Variants in ADAM19 observed in about 807,000 individuals in gnomAD.
ADAM19 encodes ADAM metallopeptidase domain 19, also known as disintegrin and metalloproteinase domain-containing protein 19.
In ADAM19, 65 loss-of-function variants were observed where a neutral mutation model predicts 114.7. The observed-to-expected ratio is 0.57, with a 90% confidence interval of 0.46 to 0.70. ADAM19 has a LOEUF of 0.70. ADAM19 is among the 30% of genes least tolerant of loss of function. The pLI is 0.00. For missense variants in ADAM19, 1,063 were observed against 1,204.7 expected, an observed-to-expected ratio of 0.88 and a Z score of 1.74; for synonymous variants, 466 against 460.5, an observed-to-expected ratio of 1.01 and a Z score of -0.15.
chr5:157,503,778 T>C (rs1338561944), intron 11 of ADAM19, among the ~76,000 whole-genome samples: 2 of 152,206 alleles, frequency 1.3e-5, no homozygotes, highest in Non-Finnish European at 2.9e-5. Context: ...GCCAAGATCA[T>C]AAGTTTTATT....
rs776999114 is a variant in ADAM19, at chr5:157,496,986, A to G, written c.1502T>C (p.Met501Thr). ...SPHCPTNFYQMDGTPCEGGQA... is the reference protein window; with the variant it reads ...SPHCPTNFYQTDGTPCEGGQA... ...GCCGCCCTCACAGGGGGTACCATCC[A>G]TCTGGTAGAAGTTGGTAGGGCAGTG... The change falls in exon 14 of 23, where the codon ATG (methionine) becomes ACG (threonine). Residue 501 changes from methionine (M) to threonine (T), a missense_variant. Coordinates refer to ENST00000257527, the MANE Select transcript of ADAM19 (RefSeq NM_033274.5). 2 of 1,598,400 alleles carry G rather than the reference A, an allele frequency of 1.3e-6. No homozygotes were observed. The highest frequency in any genetic ancestry group is 2.3e-5 in the South Asian group (2 of 88,678).
At chr5:157,515,529 C>A (rs1035879407) in intron 7 of ADAM19, among the ~76,000 whole-genome samples, 3 of 152,172 alleles carry the variant, frequency 2.0e-5, no homozygotes, top group Non-Finnish European at 4.4e-5. Flanking sequence ...ATAATACAGA[C>A]ACCTGTATAT....
chr5:157,557,270 G>A lies in ADAM19; in HGVS notation c.251+7103C>T, dbSNP rs115582613. Among the ~76,000 whole-genome samples the A allele has an allele frequency of 5.0e-3, 758 of 152,324 alleles. 7 individuals are homozygous for A. Among genetic ancestry groups the A allele is most frequent in the African/African-American group, 0.018 (729 of 41,570 alleles). On this transcript the variant is annotated intron_variant, in intron 3 of 22. Coordinates refer to ENST00000257527, the MANE Select transcript of ADAM19 (RefSeq NM_033274.5). ...CTTAGAAGGCAAGTGACTTACCAAAGACCACCCAACCGGAAGTGTCAGTAT... is the reference window on the plus strand; with the variant it reads ...CTTAGAAGGCAAGTGACTTACCAAAAACCACCCAACCGGAAGTGTCAGTAT...
chr5:157,519,001 T>C (rs757289493), intron 6 of ADAM19, 113 bp from the exon 7 acceptor site: 3 of 878,282 alleles, frequency 3.4e-6, no homozygotes, highest in Admixed American at 3.9e-5. Flanking sequence ...CGTAATGATT[T>C]TGTCATTCGG....
Position 157,570,928 on chromosome 5 carries a change from C to T in ADAM19, c.147G>A (p.Gln49=). 6.2e-7 allele frequency: 1 copy of T among 1,614,182 alleles called. No individual in the cohort carries two copies. The highest frequency in any genetic ancestry group is 8.5e-7 in the Non-Finnish European group (1 of 1,180,024). ...PKLQHELIIP[Q]WKTSESPVRE... is the part of the protein sequence containing the mutation. ...TCACGGGGCTTTCTGAAGTCTTCCA[C>T]TGAGGTATGATAAGTTCATGCTGCA... The change falls in exon 2 of 23, where the codon CAG becomes CAA. Residue 49 remains glutamine, a synonymous_variant. Transcript: ENST00000257527.
intron 12 of ADAM19, among the ~76,000 whole-genome samples, chr5:157,500,412 TTAATA>T (rs1177710881): frequency 6.6e-6 from 1 of 152,234 alleles, no homozygotes; most frequent in Non-Finnish European, 1.5e-5. Context: ...GTTTTTTTAC[TTAATA>T]TAACATGCGT....
Position 157,507,149 on chromosome 5 carries a change from G to C in ADAM19, c.906-9C>G. 6.2e-7 allele frequency: 1 copy of C among 1,613,634 alleles called. No homozygotes were observed. The highest frequency in any genetic ancestry group is 8.5e-7 in the Non-Finnish European group (1 of 1,179,686). On this transcript the variant is annotated splice_polypyrimidine_tract_variant and intron_variant, in intron 9 of 22. Transcript: ENST00000257527. The stretch of plus-strand genomic sequence containing the variant: ...CGTGGAAGGACATGCCCCTGCAGGA[G>C]GCAAGGAGAGACGGTGACCGGGGAC...
intron 2 of ADAM19, chr5:157,565,866 T>G (rs1057132424): frequency 6.6e-6 from 1 of 152,036 alleles, no homozygotes; most frequent in African/African-American, 2.4e-5. Flanking sequence ...CCCAGCACTT[T>G]GGGAGGCCGA....
chr5:157,570,785 G>T, intron 2 of ADAM19, 110 bp downstream of exon 2: 1 of 928,098 alleles, frequency 1.1e-6, no homozygotes, highest in Non-Finnish European at 1.7e-6. Context: ...GACAGAGTGG[G>T]CCAGAAACAG....
intron 5 of ADAM19, among the ~76,000 whole-genome samples, chr5:157,527,231 G>A (rs942775475): frequency 1.3e-5 from 2 of 151,978 alleles, no homozygotes; most frequent in African/African-American, 4.8e-5. Flanking sequence ...TGTTTTTTGA[G>A]ACAGACTCTC....
intron 1 of ADAM19, among the ~76,000 whole-genome samples, chr5:157,574,733 C>T (rs1456611861): frequency 6.6e-6 from 1 of 152,182 alleles, no homozygotes; most frequent in Non-Finnish European, 1.5e-5. Context: ...CTTATAGCCC[C>T]CGAGGGATGG....
chr5:157,509,415 G>T lies in ADAM19; in HGVS notation c.791C>A (p.Thr264Asn), dbSNP rs1755844977. The T allele has an allele frequency of 6.2e-7, 1 of 1,612,768 alleles. No individual in the cohort carries two copies. Residue 264 changes from threonine (T) to asparagine (N), a missense_variant, in exon 9 of 23, where the codon ACC (threonine) becomes AAC (asparagine). Thr to Asn is a moderately conservative substitution (Grantham distance 65). Coordinates refer to ENST00000257527, the MANE Select transcript of ADAM19 (RefSeq NM_033274.5). Reference sequence around the variant, plus strand: ...TGAAACTTCACACATGTTCCCGTGGGTCCACACTTCCAAGCCCACGAGAGC... The same window carrying T: ...TGAAACTTCACACATGTTCCCGTGGTTCCACACTTCCAAGCCCACGAGAGC... ...RIALVGLEVW[T>N]HGNMCEVSEN...
At chr5:157,558,244 A>G (rs552108187) in intron 3 of ADAM19, among the ~76,000 whole-genome samples, 1 of 152,230 alleles carries the variant, frequency 6.6e-6, no homozygotes, top group Non-Finnish European at 1.5e-5. Flanking sequence ...TTCAGACACC[A>G]CAGGCAGCTC....
intron 3 of ADAM19, among the ~76,000 whole-genome samples, chr5:157,561,012 G>C (rs1037961869): frequency 3.9e-5 from 6 of 152,206 alleles, no homozygotes; most frequent in African/African-American, 9.7e-5. Context: ...ACAAACTGAG[G>C]CTTAAAGAGG....
chr5:157,504,054 TGTTA>T (rs1290372689), intron 11 of ADAM19, among the ~76,000 whole-genome samples: 1 of 152,224 alleles, frequency 6.6e-6, no homozygotes, highest in Non-Finnish European at 1.5e-5. Context: ...CCAAGGAATT[TGTTA>T]CTAATAATTG....
At chr5:157,556,209 C>CTTTTTTTTTTTTTTTTT (rs68078503) in intron 3 of ADAM19, among the ~76,000 whole-genome samples, 20 of 66,324 alleles carry the variant, frequency 3.0e-4, no homozygotes, top group East Asian at 9.3e-4. Context: ...TTTTCTTTTT[C>CTTTTTTTTTTTTTTTTT]TTTTTTTTTT....
At chr5:157,518,957 G>A in intron 6 of ADAM19, 69 bp from the exon 7 acceptor site, 1 of 1,288,832 alleles carries the variant, frequency 7.8e-7, no homozygotes, top group South Asian at 1.2e-5. Flanking sequence ...AAACTGCTAA[G>A]AAACAGAGCT....
Position 157,478,849 on chromosome 5 carries a change from T to G in ADAM19, c.*2100A>C, listed in dbSNP as rs1754668768. The G allele has an allele frequency of 2.0e-6, 2 of 985,854 alleles. No homozygotes were observed. The highest frequency in any genetic ancestry group is 9.4e-5 in the South Asian group (2 of 21,286). The allele number at this position is 985,854 out of a possible 1,614,324, so 61.1% of individuals were successfully genotyped here. A position where few individuals can be genotyped will look rare whatever the true frequency, so the allele number is the denominator to read the frequency against. ...AGGGAGGGTGGACTGCAGGTTCAGA[T>G]GGCTCATGCAGTCACTATGGCTGTG... On this transcript the variant is annotated 3_prime_UTR_variant, in exon 23 of 23. Transcript: ENST00000257527.
intron 3 of ADAM19, among the ~76,000 whole-genome samples, chr5:157,561,201 C>T (rs139617654): frequency 1.3e-5 from 2 of 152,354 alleles, no homozygotes; most frequent in Non-Finnish European, 2.9e-5. Flanking sequence ...CAGAGACAGG[C>T]TGCCGGCTGC....
Sources: allele counts gnomAD v4.1 joint callset (sites outside exome capture counted in the v4.1 genomes callset), GRCh38; gene constraint gnomAD v4.1.1; transcripts MANE v1.5; gene names NCBI Gene and HGNC (gene_info 2026-07-23, HGNC 2026-07-21).